Variants in TIPIN observed in about 807,000 individuals in gnomAD.
The protein encoded by TIPIN is TIMELESS interacting protein.
In TIPIN, 29 loss-of-function variants were observed where a neutral mutation model predicts 35.6. That is an observed-to-expected ratio of 0.82 (90% CI 0.61 to 1.11). The LOEUF (loss-of-function observed/expected upper bound fraction) is 1.11. TIPIN is among the 50% of genes most tolerant of loss of function. The probability of loss-of-function intolerance (pLI) is 0.00; values close to 1 mark genes in which losing one functional copy is unlikely to be tolerated. For missense variants in TIPIN, 296 were observed against 345.4 expected (o/e 0.86, Z 1.13); for synonymous variants, 102 against 121.5 (o/e 0.84, Z 1.06).
upstream of TIPIN, among the ~76,000 whole-genome samples, chr15:66,356,885 G>T (rs1360327979): frequency 6.6e-6 from 1 of 151,962 alleles, no homozygotes; most frequent in Admixed American, 6.6e-5. Flanking sequence ...CTCCTTATTT[G>T]CATAAAGTTA....
At chr15:66,351,196 C>A (rs958620124) in intron 4 of TIPIN, among the ~76,000 whole-genome samples, 4 of 152,192 alleles carry the variant, frequency 2.6e-5, no homozygotes, top group African/African-American at 9.6e-5. Context: ...CTGATACAGG[C>A]AGAGTCCTTG....
intron 1 of TIPIN, chr15:66,371,237 G>A (rs569181006): frequency 2.0e-6 from 2 of 982,252 alleles, no homozygotes; most frequent in African/African-American, 3.5e-5. Flanking sequence ...AGTGTATCAA[G>A]CTTTCTACTA....
chr15:66,350,134 T>C (rs2093157332), intron 4 of TIPIN, among the ~76,000 whole-genome samples: 1 of 151,856 alleles, frequency 6.6e-6, no homozygotes, highest in African/African-American at 2.4e-5. Flanking sequence ...GCCTAAATTT[T>C]GTATTTTTTA....
chr15:66,353,333 C>G (rs1323635983), intron 1 of TIPIN, among the ~76,000 whole-genome samples: 1 of 151,644 alleles, frequency 6.6e-6, no homozygotes, highest in Admixed American at 6.6e-5. Flanking sequence ...AAAAAAAAAT[C>G]TGGGCTGGGC....
rs546194273 is a variant in TIPIN at position 66,363,617 on chromosome 15, G to A, written c.-8-10662C>T. Among the ~76,000 whole-genome samples the A allele has an allele frequency of 7.9e-5, 12 of 151,920 alleles. No homozygotes were observed. In the East Asian group the frequency reaches 2.3e-3, roughly 29 times the overall value. On this transcript the variant is annotated intron_variant, in intron 1 of 7. Transcript: ENST00000562124. ...AGATCGCGCCACTGCACACCAGCCT[G>A]GGCAACAGAGCGAGATCTGGTCATT...
At chr15:66,375,855 A>T (rs1023881224) in intron 1 of TIPIN, among the ~76,000 whole-genome samples, 1 of 132,924 alleles carries the variant, frequency 7.5e-6, no homozygotes, top group African/African-American at 2.6e-5. Context: ...TAGTCCCAGC[A>T]CTTTGGGAGG....
chr15:66,370,658 T>G (rs1021767841), intron 1 of TIPIN, among the ~76,000 whole-genome samples: 1 of 152,128 alleles, frequency 6.6e-6, no homozygotes, highest in Non-Finnish European at 1.5e-5. Flanking sequence ...CTCTCAGGAT[T>G]AAAGTATAGA....
At chr15:66,337,202 A>T in intron 7 of TIPIN, 21 bp from the exon 8 acceptor site, 1 of 1,596,374 alleles carries the variant, frequency 6.3e-7, no homozygotes, top group South Asian at 1.1e-5. Flanking sequence ...TCATACCATT[A>T]TTATTCATTA....
chr15:66,352,714 C>A, intron 2 of TIPIN, 101 bp downstream of exon 2: 3 of 1,315,658 alleles, frequency 2.3e-6, no homozygotes, highest in Non-Finnish European at 3.0e-6. Flanking sequence ...AATTCCTGAC[C>A]TTGTGATCCG....
chr15:66,364,162 T>C (rs1402914981), intron 1 of TIPIN, among the ~76,000 whole-genome samples: 80 of 132,470 alleles, frequency 6.0e-4, no homozygotes, highest in South Asian at 2.6e-4. Flanking sequence ...TCTTTTCTTT[T>C]TTTTTTTTTT....
intron 1 of TIPIN, among the ~76,000 whole-genome samples, chr15:66,384,428 G>C (rs1265482961): frequency 6.6e-6 from 1 of 151,996 alleles, no homozygotes. Flanking sequence ...CTGAGTAGCT[G>C]GGATTACAGG....
chr15:66,356,745 C>A (rs77951566), upstream of TIPIN: 451 of 985,378 alleles, frequency 4.6e-4, no homozygotes, highest in South Asian at 6.1e-4. Flanking sequence ...CAGCGTTTGG[C>A]GCCAAATCCG....
chr15:66,375,572 C>T (rs2093293700), intron 1 of TIPIN, among the ~76,000 whole-genome samples: 1 of 148,230 alleles, frequency 6.7e-6, no homozygotes. Context: ...GGCGCGGTGG[C>T]TTATACCTGT....
At chr15:66,380,952 T>C (rs1300752149) in intron 1 of TIPIN, among the ~76,000 whole-genome samples, 1 of 152,166 alleles carries the variant, frequency 6.6e-6, no homozygotes, top group African/African-American at 2.4e-5. Flanking sequence ...TCATAAATGA[T>C]GTAATCATTT....
At chr15:66,344,080 A>G (rs984414948) in intron 6 of TIPIN, among the ~76,000 whole-genome samples, 4 of 152,168 alleles carry the variant, frequency 2.6e-5, no homozygotes, top group African/African-American at 9.7e-5. Context: ...CAATAAGAAA[A>G]TACATAAATA....
At chr15:66,371,590 T>G (rs1243644564) in intron 1 of TIPIN, among the ~76,000 whole-genome samples, 1 of 151,562 alleles carries the variant, frequency 6.6e-6, no homozygotes, top group East Asian at 1.9e-4. Flanking sequence ...CTCGGCTCAC[T>G]GCAAGCTCTG....
At chr15:66,384,958 A>G (rs1302562459) in intron 1 of TIPIN, among the ~76,000 whole-genome samples, 1 of 152,160 alleles carries the variant, frequency 6.6e-6, no homozygotes, top group Non-Finnish European at 1.5e-5. Context: ...AAAAAACAAA[A>G]CAAAACAATG....
intron 3 of TIPIN, 106 bp downstream of exon 3, chr15:66,352,023 A>C: frequency 1.1e-6 from 1 of 933,248 alleles, no homozygotes; most frequent in South Asian, 1.8e-5. Context: ...GTTTTTAGAA[A>C]TATAAGAGCT....
At chr15:66,374,362 A>G (rs772855491) in intron 1 of TIPIN, among the ~76,000 whole-genome samples, 5 of 138,750 alleles carry the variant, frequency 3.6e-5, no homozygotes, top group African/African-American at 6.9e-5. Flanking sequence ...GACTATTTGG[A>G]TATCTTCCCT....
Sources: gnomAD v4.1 joint callset for allele counts (sites outside exome capture counted in the v4.1 genomes callset) on GRCh38, gnomAD v4.1.1 for gene constraint, MANE v1.5 for transcripts, NCBI Gene and HGNC (gene_info 2026-07-23, HGNC 2026-07-21) for gene names.